Variants in FBN2 observed in about 807,000 individuals in gnomAD.
FBN2 encodes the protein fibrillin 2, also known as fibrillin-2.
Under a neutral mutation model 355.6 loss-of-function variants are expected in FBN2, and 105 were observed. That is an observed-to-expected ratio of 0.30 (90% CI 0.25 to 0.35). FBN2 has a LOEUF of 0.35. Among genes scored for constraint, FBN2 ranks in the 10% least tolerant of loss-of-function variants. The pLI is 1.00. For missense variants in FBN2, 3,280 were observed against 3,758.7 expected, an observed-to-expected ratio of 0.87 and a Z score of 3.33; for synonymous variants, 1,350 against 1,301.2, an observed-to-expected ratio of 1.04 and a Z score of -0.81.
chr5:128,419,083 T>C (rs934193249), intron 7 of FBN2, among the ~76,000 whole-genome samples: 1 of 152,234 alleles, frequency 6.6e-6, no homozygotes, highest in South Asian at 2.1e-4. Context: ...TCCTAAGCCA[T>C]TTATTCTTTG....
chr5:128,465,189 C>T (rs895609850), intron 5 of FBN2, among the ~76,000 whole-genome samples: 3 of 152,154 alleles, frequency 2.0e-5, no homozygotes, highest in Admixed American at 6.5e-5. Flanking sequence ...CTGAATAATG[C>T]TTTTACAGAA....
intron 11 of FBN2, among the ~76,000 whole-genome samples, chr5:128,380,748 C>A (rs1561427989): frequency 6.6e-6 from 1 of 152,060 alleles, no homozygotes; most frequent in Non-Finnish European, 1.5e-5. Context: ...ACGACCACTG[C>A]CAACTTCTAC....
In FBN2 at chr5:128,259,214, T is replaced by C. The variant is rs974600595; in HGVS notation, c.*241A>G. 29 of 515,380 alleles carry C rather than the reference T, an allele frequency of 5.6e-5. No individual in the cohort carries two copies. Among genetic ancestry groups the C allele is most frequent in the Admixed American group, 3.1e-4 (10 of 31,842 alleles). 31.9% of individuals were successfully genotyped at this position (515,380 alleles called of 1,614,324 possible). ...GAACATTTAGGTTTCTTTTAATATA[T>C]TTTAAAATGAAGTTATATAAAAAAT... is the stretch of plus-strand genomic sequence containing the variant. On this transcript the variant is annotated 3_prime_UTR_variant, in exon 65 of 65. Transcript: ENST00000262464.
At chr5:128,512,147 G>A (rs1756146748) in intron 5 of FBN2, among the ~76,000 whole-genome samples, 1 of 152,078 alleles carries the variant, frequency 6.6e-6, no homozygotes, top group Admixed American at 6.6e-5. Flanking sequence ...TGAAACTTAC[G>A]CTGTTCACAA....
chr5:128,271,856 C>G (rs535405902), intron 62 of FBN2, 143 bp downstream of exon 62: 2 of 927,040 alleles, frequency 2.2e-6, no homozygotes, highest in African/African-American at 3.3e-5. Flanking sequence ...AGAATGAGTC[C>G]CCATGCATCA....
rs10428643 is a variant in FBN2, at chr5:128,290,547, G to C, written c.6445+185C>G. On this transcript the variant is annotated intron_variant, in intron 50 of 64. Coordinates refer to ENST00000262464, the MANE Select transcript of FBN2 (RefSeq NM_001999.4). ...AAAAGGGTAACTCCACCTGTGCTTAGACATGTCTTATTCAAAAGCTGAAAG... is the reference window on the plus strand; with the variant it reads ...AAAAGGGTAACTCCACCTGTGCTTACACATGTCTTATTCAAAAGCTGAAAG... 0.013 allele frequency among the ~76,000 whole-genome samples: 1,988 copies of C among 152,312 alleles called. 49 individuals carry two copies. The highest frequency in any genetic ancestry group is 0.046 in the African/African-American group (1,894 of 41,560).
At chr5:128,292,351 CG>C (rs1394512901) in intron 48 of FBN2, among the ~76,000 whole-genome samples, 2 of 99,026 alleles carry the variant, frequency 2.0e-5, no homozygotes, top group Non-Finnish European at 4.2e-5. Flanking sequence ...GATTTTTCGT[CG>C]TTTTTTTTGT....
chr5:128,527,644 A>C (rs942318371), intron 4 of FBN2, among the ~76,000 whole-genome samples: 3 of 152,194 alleles, frequency 2.0e-5, no homozygotes, highest in Non-Finnish European at 4.4e-5. Context: ...ACTAGTTACC[A>C]GTTGTTGACT....
At chr5:128,319,190 A>G (rs1406214382) in intron 34 of FBN2, among the ~76,000 whole-genome samples, 189 bp from the exon 35 acceptor site, 1 of 152,120 alleles carries the variant, frequency 6.6e-6, no homozygotes, top group Non-Finnish European at 1.5e-5. Context: ...TGGAACTAAG[A>G]TATACAAGAA....
At chr5:128,513,919 C>A (rs891469438) in intron 5 of FBN2, among the ~76,000 whole-genome samples, 1 of 151,952 alleles carries the variant, frequency 6.6e-6, no homozygotes, top group African/African-American at 2.4e-5. Context: ...AAGTTAAGTT[C>A]CCACAGATCT....
chr5:128,357,310 G>A lies in FBN2; in HGVS notation c.2640C>T (p.Gly880=). 1 of 1,613,974 alleles carries A rather than the reference G, an allele frequency of 6.2e-7. No individual in the cohort carries two copies. The highest frequency in any genetic ancestry group is 8.5e-7 in the Non-Finnish European group (1 of 1,179,862). The part of the protein sequence containing the change: ...LGSFNCECSP[G]SKLSSTGLIC... ...TCAATCCTGTGGAGCTGAGTTTGCTGCCGGGCGAACATTCACAATTGAAAG... is the reference window on the plus strand; with the variant it reads ...TCAATCCTGTGGAGCTGAGTTTGCTACCGGGCGAACATTCACAATTGAAAG... Residue 880 remains glycine (G), a synonymous_variant, in exon 20 of 65, where the codon GGC becomes GGT. Coordinates refer to ENST00000262464, the MANE Select transcript of FBN2 (RefSeq NM_001999.4).
chr5:128,505,101 C>T (rs572264701), intron 5 of FBN2, among the ~76,000 whole-genome samples: 5 of 152,242 alleles, frequency 3.3e-5, no homozygotes, highest in East Asian at 1.9e-4. Context: ...TGCCTTCTGC[C>T]GTGATTGTGA....
intron 34 of FBN2, among the ~76,000 whole-genome samples, chr5:128,323,231 T>C (rs1046804001): frequency 6.6e-6 from 1 of 152,216 alleles, no homozygotes; most frequent in Admixed American, 6.5e-5. Flanking sequence ...CCTCTTTTCC[T>C]ATTTGAATAC....
At chr5:128,369,048 A>G (rs2126947148) in intron 16 of FBN2, 134 bp downstream of exon 16, 4 of 901,780 alleles carry the variant, frequency 4.4e-6, no homozygotes, top group South Asian at 2.8e-5. Context: ...TCACATATCA[A>G]TACAGGATTG....
chr5:128,408,542 T>C (rs1211688389), intron 8 of FBN2, 132 bp downstream of exon 8: 1 of 1,047,984 alleles, frequency 9.5e-7, no homozygotes, highest in Non-Finnish European at 1.5e-6. Context: ...TCAATACTGG[T>C]ACCGTTTACA....
Position 128,496,750 on chromosome 5 carries a change from G to A in FBN2, c.628+22523C>T, listed in dbSNP as rs560441633. Reference sequence around the variant, plus strand: ...AGATGGCAACACTCACGCATTTCATGTATATTATAAAATATACATTATGAA... The same window carrying A: ...AGATGGCAACACTCACGCATTTCATATATATTATAAAATATACATTATGAA... On this transcript the variant is annotated intron_variant, in intron 5 of 64. Coordinates refer to ENST00000262464, the MANE Select transcript of FBN2 (RefSeq NM_001999.4). Among the ~76,000 whole-genome samples the A allele has an allele frequency of 1.5e-3, 228 of 151,850 alleles. 2 individuals carry two copies. Among genetic ancestry groups the A allele is most frequent in the Middle Eastern group, 0.014 (4 of 292 alleles).
chr5:128,470,254 G>T (rs1754822191), intron 5 of FBN2, among the ~76,000 whole-genome samples: 2 of 152,204 alleles, frequency 1.3e-5, no homozygotes, highest in South Asian at 4.1e-4. Flanking sequence ...ATTGCAGGAG[G>T]CTGGTTCCAT....
In FBN2 at chr5:128,345,505, A is replaced by T; in HGVS notation, c.3069T>A (p.Asp1023Glu). The T allele has an allele frequency of 6.2e-7, 1 of 1,614,212 alleles. No individual in the cohort carries two copies. The highest frequency in any genetic ancestry group is 8.5e-7 in the Non-Finnish European group (1 of 1,180,028). ...CCGCCCCGACAGCACAGCAGCAGGC[A>T]TCCATGCGGAACTTTCCAGGAACGG... ...IHPVPGKFRM[D>E]ACCCAVGAAW... The change falls in exon 24 of 65, where the codon GAT (aspartate) becomes GAA (glutamate). Residue 1023 changes from aspartate (D) to glutamate (E), a missense_variant. Around this residue, in one of 6 missense-constraint regions of FBN2, gnomAD observed 2,284 missense variants for 2,749.5 expected, o/e 0.83. Coordinates refer to ENST00000262464, the MANE Select transcript of FBN2 (RefSeq NM_001999.4).
rs26023 is a variant in FBN2, at chr5:128,302,772, A to C, written c.5917+201T>G. Among the ~76,000 whole-genome samples, 74,172 of 152,082 alleles carry C rather than the reference A, an allele frequency of 0.49. 20,868 individuals are homozygous for C. The highest frequency in any genetic ancestry group is 0.65 in the East Asian group (3,371 of 5,164). ...ATTGGCTGATTGACAAAAGGATTCAAGAGTATATTGTCTTGTGACAATTTA... is the reference window on the plus strand; with the variant it reads ...ATTGGCTGATTGACAAAAGGATTCACGAGTATATTGTCTTGTGACAATTTA... On this transcript the variant is annotated intron_variant, in intron 46 of 64. Coordinates refer to ENST00000262464, the MANE Select transcript of FBN2 (RefSeq NM_001999.4).
Sources: gnomAD v4.1 joint callset for allele counts (sites outside exome capture counted in the v4.1 genomes callset) on GRCh38, gnomAD v4.1.1 for gene constraint, gnomAD v4.1.1 regional missense constraint, MANE v1.5 for transcripts, NCBI Gene and HGNC (gene_info 2026-07-23, HGNC 2026-07-21) for gene names.